FREM3: variants seen among roughly 807,000 people sequenced by gnomAD.
FREM3 encodes the protein FRAS1 related extracellular matrix 3.
Under a neutral mutation model 129.1 loss-of-function variants are expected in FREM3, and 105 were observed. That is an observed-to-expected ratio of 0.81 (90% CI 0.69 to 0.96). The LOEUF is 0.96. Among genes scored for constraint, FREM3 ranks in the 40% least tolerant of loss-of-function variants. The probability of loss-of-function intolerance (pLI) is 0.00; values close to 1 mark genes in which losing one functional copy is unlikely to be tolerated. For missense variants in FREM3, 2,593 were observed against 2,666.3 expected, an observed-to-expected ratio of 0.97 and a Z score of 0.61; for synonymous variants, 1,014 against 1,044.9, an observed-to-expected ratio of 0.97 and a Z score of 0.57.
Position 143,696,129 on chromosome 4 carries a change from A to T in FREM3, c.4547T>A (p.Ile1516Asn). ...KKMDSFEFQVIGELYPVFRTF... is the reference protein window; with the variant it reads ...KKMDSFEFQVNGELYPVFRTF... ...TCTGAACACAGGGTAGAGTTCGCCG[A>T]TCACTTGAAATTCGAAGCTGTCCAT... The change falls in exon 1 of 8, where the codon ATC (isoleucine) becomes AAC (asparagine). Residue 1516 changes from isoleucine (I) to asparagine (N), a missense_variant. Coordinates refer to ENST00000329798, the MANE Select transcript of FREM3 (RefSeq NM_001168235.2). 2.0e-6 allele frequency: 3 copies of T among 1,537,542 alleles called. No individual in the cohort carries two copies. The highest frequency in any genetic ancestry group is 2.6e-6 in the Non-Finnish European group (3 of 1,146,972).
At position 143,658,101 on chromosome 4, in the gene FREM3, T is replaced by C. The variant is rs191000994; in HGVS notation, c.5276-30341A>G. 4.6e-5 allele frequency among the ~76,000 whole-genome samples: 7 copies of C among 152,384 alleles called. No individual in the cohort carries two copies. The East Asian group carries it at 1.4e-3, about 29-fold the overall frequency. ...TAGTTTTGTCTCTACCTGCATAATC[T>C]GGTCTTCATAGTGCAAACAAAGTTA... is the stretch of plus-strand genomic sequence containing the variant. On this transcript the variant is annotated intron_variant, in intron 2 of 7. Coordinates refer to ENST00000329798, the MANE Select transcript of FREM3 (RefSeq NM_001168235.2).
Position 143,696,368 on chromosome 4 carries a change from CA to C in FREM3, c.4307del (p.Leu1436Ter). 1 of 1,537,322 alleles carries C rather than the reference CA, an allele frequency of 6.5e-7. No homozygotes were observed. Among genetic ancestry groups the C allele is most frequent in the Non-Finnish European group, 8.7e-7 (1 of 1,146,912 alleles). Reference protein sequence around the residue: ...FPEVISKRITLIEGARVTLTN... With the variant: ...FPEVISKRITXIEGARVTLTN... ...TAAGGGTCACTCTGGCACCTTCTAT[CA>C]AGGTGATCCTTTTGCTGATTACCTC... On this transcript the variant is annotated frameshift_variant, in exon 1 of 8. Transcript: ENST00000329798. LOFTEE classifies it high-confidence loss of function.
chr4:143,615,006 TA>T (rs1340399966), intron 5 of FREM3, among the ~76,000 whole-genome samples: 1 of 152,220 alleles, frequency 6.6e-6, no homozygotes, highest in Non-Finnish European at 1.5e-5. Context: ...TAAAAATTAA[TA>T]ACTTATTTAC....
intron 6 of FREM3, among the ~76,000 whole-genome samples, chr4:143,595,543 C>G (rs1381906354): frequency 6.6e-6 from 1 of 152,132 alleles, no homozygotes; most frequent in Non-Finnish European, 1.5e-5. Context: ...GGCCTCCACA[C>G]CAGTTCCTTC....
At chr4:143,622,296 A>G (rs1055777477) in intron 4 of FREM3, among the ~76,000 whole-genome samples, 1 of 151,172 alleles carries the variant, frequency 6.6e-6, no homozygotes, top group Non-Finnish European at 1.5e-5. Context: ...GTTTCGCCAC[A>G]TTGGCCAGGC....
In FREM3 at chr4:143,659,093, TTA is replaced by T. The variant is rs1739654433; in HGVS notation, c.5276-31335_5276-31334del. Among the ~76,000 whole-genome samples, 8 of 33,082 alleles carry T rather than the reference TTA, an allele frequency of 2.4e-4. No homozygotes were observed. The South Asian group carries it at 3.6e-3, about 15-fold the overall frequency. The allele number at this position is 33,082 out of a possible 152,430, so 21.7% of individuals were successfully genotyped here. A position where few individuals can be genotyped will look rare whatever the true frequency, so the allele number is the denominator to read the frequency against. On this transcript the variant is annotated intron_variant, in intron 2 of 7. Coordinates refer to ENST00000329798, the MANE Select transcript of FREM3 (RefSeq NM_001168235.2). ...TTATTTTATTTATTATTTTTATTTA[TTA>T]TTATTATTATTATTATTATACTTTA...
chr4:143,590,466 A>G (rs1459636717), intron 6 of FREM3, among the ~76,000 whole-genome samples: 1 of 152,132 alleles, frequency 6.6e-6, no homozygotes, highest in Non-Finnish European at 1.5e-5. Context: ...GAATTTTGTC[A>G]AAGGCCTTTT....
chr4:143,599,068 T>C (rs1327270143), intron 6 of FREM3, among the ~76,000 whole-genome samples: 1 of 152,216 alleles, frequency 6.6e-6, no homozygotes, highest in African/African-American at 2.4e-5. Context: ...AAGAGAATGT[T>C]AGTATTTTGC....
chr4:143,598,204 T>C (rs1188608236), intron 6 of FREM3, among the ~76,000 whole-genome samples: 1 of 152,124 alleles, frequency 6.6e-6, no homozygotes. Flanking sequence ...TAGAGTATAG[T>C]GGGTTGCATC....
At chr4:143,636,333 CAAAA>C (rs35792262) in intron 2 of FREM3, among the ~76,000 whole-genome samples, 2 of 81,468 alleles carry the variant, frequency 2.5e-5, no homozygotes, top group Admixed American at 1.4e-4. Context: ...GCAGCCTGTC[CAAAA>C]AAAAAAAAAA....
At chr4:143,621,481 A>G (rs750608257) in intron 4 of FREM3, among the ~76,000 whole-genome samples, 24 of 152,340 alleles carry the variant, frequency 1.6e-4, no homozygotes, top group Middle Eastern at 3.4e-3. Context: ...TGGAGATCAC[A>G]TATTTATGTA....
intron 6 of FREM3, among the ~76,000 whole-genome samples, chr4:143,593,248 C>A (rs554329851): frequency 2.1e-4 from 32 of 152,304 alleles, no homozygotes; most frequent in African/African-American, 7.7e-4. Flanking sequence ...CAAAGTCATT[C>A]TCTGTCCAGC....
At chr4:143,580,019 C>T (rs1041612187) in intron 7 of FREM3, among the ~76,000 whole-genome samples, 4 of 152,148 alleles carry the variant, frequency 2.6e-5, no homozygotes, top group African/African-American at 7.2e-5. Context: ...AAGAAGTCCA[C>T]CTAACCAAAT....
At chr4:143,663,913 C>T (rs1336614584) in intron 2 of FREM3, among the ~76,000 whole-genome samples, 4 of 152,060 alleles carry the variant, frequency 2.6e-5, no homozygotes, top group African/African-American at 4.8e-5. Flanking sequence ...ACGTAGTTCT[C>T]GAGCCTTGGC....
intron 2 of FREM3, among the ~76,000 whole-genome samples, chr4:143,686,461 C>A (rs1312861924): frequency 6.6e-6 from 1 of 152,092 alleles, no homozygotes; most frequent in Non-Finnish European, 1.5e-5. Flanking sequence ...TAAACTATAC[C>A]TTGGAACAAA....
At chr4:143,677,557 C>G (rs1226931758) in intron 2 of FREM3, among the ~76,000 whole-genome samples, 1 of 152,168 alleles carries the variant, frequency 6.6e-6, no homozygotes, top group Non-Finnish European at 1.5e-5. Flanking sequence ...TCTAATTAAA[C>G]TAAAGAGCTT....
chr4:143,624,434 C>A, intron 3 of FREM3, 96 bp from the exon 4 acceptor site: 2 of 717,192 alleles, frequency 2.8e-6, no homozygotes, highest in Admixed American at 2.7e-5. Flanking sequence ...AAGTAGATAA[C>A]ATAGAAATTG....
At position 143,627,755 on chromosome 4, in the gene FREM3, T is replaced by C; in HGVS notation, c.5281A>G (p.Asn1761Asp). The change falls in exon 3 of 8, where the codon AAT becomes GAT. Residue 1761 changes from asparagine (N) to aspartate (D), a missense_variant. Transcript: ENST00000329798. ...FYFSVEDNGG[N>D]KLTNQPFHLN... Reference sequence around the variant, plus strand: ...TGGAAAGGCTGATTTGTTAGTTTATTTCCTCCTGCAATTGATAGGGGCAAA... The same window carrying C: ...TGGAAAGGCTGATTTGTTAGTTTATCTCCTCCTGCAATTGATAGGGGCAAA... 1 of 1,534,994 alleles carries C rather than the reference T, an allele frequency of 6.5e-7. No homozygotes were observed. Among genetic ancestry groups the C allele is most frequent in the South Asian group, 1.2e-5 (1 of 83,776 alleles).
chr4:143,646,121 A>G, intron 2 of FREM3, among the ~76,000 whole-genome samples: 1 of 152,240 alleles, frequency 6.6e-6, no homozygotes, highest in Non-Finnish European at 1.5e-5. Context: ...TCACTGGAGA[A>G]TACATAATAA....
Sources: allele counts gnomAD v4.1 joint callset (sites outside exome capture counted in the v4.1 genomes callset), GRCh38; gene constraint gnomAD v4.1.1; transcripts MANE v1.5; gene names NCBI Gene and HGNC (gene_info 2026-07-23, HGNC 2026-07-21).